The following RBFOX1 variants were observed in gnomAD, a reference collection of about 807,000 sequenced individuals.
RBFOX1 encodes RNA binding protein fox-1 homolog 1.
A neutral mutation model predicts 57.7 loss-of-function variants in RBFOX1; 8 were observed. The observed-to-expected ratio is 0.14, with a 90% confidence interval of 0.08 to 0.25. The LOEUF is 0.25. Among genes scored for constraint, RBFOX1 ranks in the 10% least tolerant of loss-of-function variants. The pLI is 1.00. For synonymous variants in RBFOX1, 326 were observed against 222.4 expected, an observed-to-expected ratio of 1.47 and a Z score of -4.15; for missense variants, 611 against 548.5, an observed-to-expected ratio of 1.11 and a Z score of -1.14.
intron 3 of RBFOX1, among the ~76,000 whole-genome samples, chr16:5,654,838 C>T (rs1052453949): frequency 6.6e-6 from 1 of 151,682 alleles, no homozygotes; most frequent in African/African-American, 2.4e-5. Context: ...CTCTCCTTCC[C>T]TCGTGGCTTC....
At chr16:6,223,410 G>C (rs1354965647) in intron 1 of RBFOX1, among the ~76,000 whole-genome samples, 1 of 146,344 alleles carries the variant, frequency 6.8e-6, no homozygotes, top group South Asian at 2.3e-4. Flanking sequence ...GTGTGAGATG[G>C]TATCTCATTG....
intron 2 of RBFOX1, among the ~76,000 whole-genome samples, chr16:6,573,268 A>G (rs570838169): frequency 1.3e-5 from 2 of 152,204 alleles, no homozygotes; most frequent in South Asian, 2.1e-4. Context: ...ACTGCCACAA[A>G]CACGCCTCAC....
intron 1 of RBFOX1, among the ~76,000 whole-genome samples, chr16:6,307,871 ATAAT>A (rs1213676434): frequency 6.9e-6 from 1 of 145,634 alleles, no homozygotes; most frequent in African/African-American, 2.5e-5. Flanking sequence ...TCTATAAATG[ATAAT>A]TTATATTATT....
intron 3 of RBFOX1, among the ~76,000 whole-genome samples, chr16:5,792,067 G>C (rs1296142382): frequency 6.6e-6 from 1 of 152,192 alleles, no homozygotes; most frequent in Non-Finnish European, 1.5e-5. Flanking sequence ...TATAAAGCAA[G>C]CAAATTGGAT....
intron 4 of RBFOX1, among the ~76,000 whole-genome samples, chr16:7,207,496 C>T (rs1304814099): frequency 6.6e-6 from 1 of 152,112 alleles, no homozygotes; most frequent in Non-Finnish European, 1.5e-5. Context: ...GCCCCTAGCA[C>T]AGTGCCTGCT....
chr16:6,047,092 T>A (rs1161518032), intron 1 of RBFOX1, among the ~76,000 whole-genome samples: 1 of 152,196 alleles, frequency 6.6e-6, no homozygotes, highest in African/African-American at 2.4e-5. Context: ...AGAGGATGCA[T>A]TATCATATGG....
At chr16:5,424,980 T>TTC (rs1381912726) in intron 1 of RBFOX1, among the ~76,000 whole-genome samples, 6 of 10,152 alleles carry the variant, frequency 5.9e-4, no homozygotes, top group African/African-American at 2.9e-3. Flanking sequence ...CTTTCTTTCT[T>TTC]TTCTTTTCTT....
intron 3 of RBFOX1, among the ~76,000 whole-genome samples, chr16:5,776,067 C>G (rs973289461): frequency 6.6e-6 from 1 of 152,112 alleles, no homozygotes; most frequent in Admixed American, 6.5e-5. Context: ...TGGCTTTCCC[C>G]TTTCATTTTA....
chr16:5,575,431 G>A (rs1278062349), intron 2 of RBFOX1, among the ~76,000 whole-genome samples: 2 of 152,150 alleles, frequency 1.3e-5, no homozygotes, highest in Non-Finnish European at 2.9e-5. Context: ...TGTCAGGCAG[G>A]TTCAACTTTT....
chr16:7,455,063 C>G (rs62017294), intron 4 of RBFOX1, among the ~76,000 whole-genome samples: 4,313 of 152,290 alleles, frequency 0.028, 64 homozygotes, highest in Middle Eastern at 0.048. Context: ...AGGTACCATG[C>G]TAGGCACAAC....
At chr16:5,350,002 A>AG (rs2065228070) in intron 1 of RBFOX1, among the ~76,000 whole-genome samples, 1 of 152,230 alleles carries the variant, frequency 6.6e-6, no homozygotes, top group African/African-American at 2.4e-5. Flanking sequence ...GCTGATGTAC[A>AG]CTTCACAGTC....
At chr16:5,531,218 C>G in intron 2 of RBFOX1, among the ~76,000 whole-genome samples, 1 of 152,096 alleles carries the variant, frequency 6.6e-6, no homozygotes, top group East Asian at 1.9e-4. Flanking sequence ...TGTTCGTCAG[C>G]CCACCTCAGG....
intron 3 of RBFOX1, among the ~76,000 whole-genome samples, chr16:5,615,038 G>C (rs1288301845): frequency 6.6e-6 from 1 of 152,120 alleles, no homozygotes; most frequent in Non-Finnish European, 1.5e-5. Flanking sequence ...ATTCAGCTCA[G>C]TTTTGTTTGT....
chr16:5,246,335 A>G (rs1259048504), intron 1 of RBFOX1, among the ~76,000 whole-genome samples: 2 of 152,230 alleles, frequency 1.3e-5, no homozygotes, highest in Non-Finnish European at 2.9e-5. Flanking sequence ...TGTTGAATTT[A>G]TTGAATTGAC....
intron 4 of RBFOX1, among the ~76,000 whole-genome samples, chr16:5,992,586 G>T (rs554914129): frequency 6.6e-6 from 1 of 152,278 alleles, no homozygotes; most frequent in Admixed American, 6.5e-5. Context: ...GGGAGTTTGT[G>T]GTTGCTTCTC....
chr16:6,653,757 G>C lies in RBFOX1; in HGVS notation c.-63-846G>C, dbSNP rs1648599494. On this transcript the variant is annotated intron_variant, in intron 2 of 15. Coordinates refer to ENST00000550418, the MANE Select transcript of RBFOX1 (RefSeq NM_018723.4). ...GGATAGATGGATGGATGGGTGGGTA[G>C]ATGAATGGGTGGATGGATGGATAGG... 2.0e-5 allele frequency among the ~76,000 whole-genome samples: 3 copies of C among 151,808 alleles called. No homozygotes were observed. The South Asian group carries it at 6.3e-4, about 32-fold the overall frequency.
intron 1 of RBFOX1, among the ~76,000 whole-genome samples, chr16:5,276,572 C>T (rs2063146005): frequency 6.6e-6 from 1 of 152,154 alleles, no homozygotes; most frequent in Non-Finnish European, 1.5e-5. Flanking sequence ...ATCACGAGGT[C>T]AGGAGTTTGA....
chr16:6,503,449 G>A (rs999645308), intron 2 of RBFOX1, among the ~76,000 whole-genome samples: 1 of 152,128 alleles, frequency 6.6e-6, no homozygotes, highest in South Asian at 2.1e-4. Context: ...ATTTCCCTGG[G>A]TGGACCATGT....
At chr16:7,022,212 C>A (rs1185039203) in intron 3 of RBFOX1, among the ~76,000 whole-genome samples, 2 of 150,292 alleles carry the variant, frequency 1.3e-5, no homozygotes, top group South Asian at 2.1e-4. Context: ...TACAGACACA[C>A]CCCTAATTTT....
Sources: gnomAD v4.1 joint callset for allele counts (sites outside exome capture counted in the v4.1 genomes callset) on GRCh38, gnomAD v4.1.1 for gene constraint, MANE v1.5 for transcripts, NCBI Gene and HGNC (gene_info 2026-07-23, HGNC 2026-07-21) for gene names.